SLC7A14: variants seen among roughly 807,000 people sequenced by gnomAD.
SLC7A14 encodes the protein gamma-aminobutyric acid transporter SLC7A14.
In SLC7A14, 37 loss-of-function variants were observed where a neutral mutation model predicts 60.2. That is an observed-to-expected ratio of 0.61 (90% CI 0.47 to 0.81). The LOEUF is 0.81. SLC7A14 is among the 30% of genes least tolerant of loss of function. The pLI is 0.00. For synonymous variants in SLC7A14, 399 were observed against 395.8 expected, an observed-to-expected ratio of 1.01 and a Z score of -0.10; for missense variants, 886 against 982.7, an observed-to-expected ratio of 0.90 and a Z score of 1.32.
At chr3:170,542,322 GTTAA>G (rs1196123820) in intron 1 of SLC7A14, among the ~76,000 whole-genome samples, 1 of 152,250 alleles carries the variant, frequency 6.6e-6, no homozygotes, top group East Asian at 1.9e-4. Flanking sequence ...AACTAATTGT[GTTAA>G]TTTCATGGAC....
chr3:170,563,624 T>C (rs1306162581), intron 1 of SLC7A14, among the ~76,000 whole-genome samples: 1 of 152,104 alleles, frequency 6.6e-6, no homozygotes, highest in African/African-American at 2.4e-5. Context: ...TTTCACCATG[T>C]TGGTCAGGCT....
intron 1 of SLC7A14, among the ~76,000 whole-genome samples, chr3:170,550,512 ATTTTT>A (rs369436642): frequency 4.9e-5 from 3 of 60,614 alleles, no homozygotes; most frequent in East Asian, 6.9e-4. Flanking sequence ...CTTTCCTTGA[ATTTTT>A]TTTTTTTTTT....
At chr3:170,533,675 GTGTGGT>G (rs1713747260) in intron 1 of SLC7A14, among the ~76,000 whole-genome samples, 1 of 151,900 alleles carries the variant, frequency 6.6e-6, no homozygotes, top group Non-Finnish European at 1.5e-5. Flanking sequence ...GTGTGTGTGT[GTGTGGT>G]GTGTGTGTGT....
intron 2 of SLC7A14, among the ~76,000 whole-genome samples, chr3:170,510,969 T>A (rs1712962795): frequency 6.6e-6 from 1 of 152,158 alleles, no homozygotes; most frequent in Admixed American, 6.5e-5. Context: ...AGCCCCTTCT[T>A]ATTTTAGGAG....
chr3:170,470,822 C>T (rs535456003), intron 7 of SLC7A14, among the ~76,000 whole-genome samples: 5 of 152,302 alleles, frequency 3.3e-5, no homozygotes, highest in Non-Finnish European at 5.9e-5. Flanking sequence ...AACAGAGCTG[C>T]TCCACGCCTC....
chr3:170,473,854 A>T (rs981101860), intron 7 of SLC7A14, among the ~76,000 whole-genome samples: 1 of 152,212 alleles, frequency 6.6e-6, no homozygotes, highest in African/African-American at 2.4e-5. Flanking sequence ...TTTATGTCTC[A>T]GTTTCTCATC....
chr3:170,526,495 A>G, intron 2 of SLC7A14, 138 bp downstream of exon 2: 1 of 1,053,938 alleles, frequency 9.5e-7, no homozygotes, highest in East Asian at 2.5e-5. Context: ...CTGGCAGTCA[A>G]GGCAAAAAAG....
rs765759992 is a variant in SLC7A14 at position 170,483,307 on chromosome 3, C to A, written c.1115+7G>T. On this transcript the variant is annotated splice_region_variant and intron_variant, in intron 6 of 7. Transcript: ENST00000231706. ...GCAGGATAAATTTCATGGAGCATAGCCCTTACCTGAAAAGGAGCCCGTCAC... is the reference window on the plus strand; with the variant it reads ...GCAGGATAAATTTCATGGAGCATAGACCTTACCTGAAAAGGAGCCCGTCAC... The A allele has an allele frequency of 6.2e-7, 1 of 1,613,824 alleles. No individual in the cohort carries two copies.
intron 1 of SLC7A14, among the ~76,000 whole-genome samples, chr3:170,543,274 C>T (rs1342069352): frequency 1.3e-5 from 2 of 152,134 alleles, no homozygotes. Context: ...TGCCTAGTGT[C>T]TCGAACCAGC....
At position 170,470,361 on chromosome 3, in the gene SLC7A14, C is replaced by T. The variant is rs79466847; in HGVS notation, c.1994-2984G>A. On this transcript the variant is annotated intron_variant, in intron 7 of 7. Coordinates refer to ENST00000231706, the MANE Select transcript of SLC7A14 (RefSeq NM_020949.3). ...GTGTATGTGTGTGTGTCTGTGTCTG[C>T]GCGCTCTCACATATTGACTGTGGTT... Among the ~76,000 whole-genome samples, 35 of 96,408 alleles carry T rather than the reference C, an allele frequency of 3.6e-4. No individual in the cohort carries two copies. The South Asian group carries it at 8.6e-3, about 24-fold the overall frequency. 63.2% of individuals were successfully genotyped at this position (96,408 alleles called of 152,430 possible).
intron 7 of SLC7A14, among the ~76,000 whole-genome samples, chr3:170,474,977 C>T (rs1222124687): frequency 6.6e-6 from 1 of 152,230 alleles, no homozygotes; most frequent in African/African-American, 2.4e-5. Flanking sequence ...CATGGTGCAG[C>T]ATTCTCACTG....
chr3:170,549,008 TGGCACTTG>T (rs1201399252), intron 1 of SLC7A14, among the ~76,000 whole-genome samples: 5 of 152,126 alleles, frequency 3.3e-5, no homozygotes, highest in Non-Finnish European at 5.9e-5. Flanking sequence ...GGTAAGTAGG[TGGCACTTG>T]GGACATAGAA....
intron 4 of SLC7A14, chr3:170,495,482 C>A: frequency 2.2e-6 from 2 of 902,810 alleles, no homozygotes; most frequent in Non-Finnish European, 3.4e-6. Context: ...AGGTGTCCAC[C>A]TCTGGCCCCC....
chr3:170,475,615 G>C (rs1711588763), intron 7 of SLC7A14, among the ~76,000 whole-genome samples: 1 of 152,184 alleles, frequency 6.6e-6, no homozygotes, highest in Admixed American at 6.5e-5. Context: ...GCTCCCCTTA[G>C]AGCAGTGGCA....
At chr3:170,556,992 C>T (rs1268465521) in intron 1 of SLC7A14, among the ~76,000 whole-genome samples, 1 of 152,126 alleles carries the variant, frequency 6.6e-6, no homozygotes, top group Non-Finnish European at 1.5e-5. Flanking sequence ...GCGCATGAGG[C>T]TTTTCTGGTC....
In SLC7A14 at chr3:170,466,988, C is replaced by T. The variant is rs1560245278; in HGVS notation, c.*67G>A. ...AAATGAGAGCCAAAAAAGTTTTCAC[C>T]TTCTAGCCCACAGGTTAAGTTACTG... On this transcript the variant is annotated 3_prime_UTR_variant, in exon 8 of 8. Transcript: ENST00000231706. 2 of 1,419,356 alleles carry T rather than the reference C, an allele frequency of 1.4e-6. No homozygotes were observed. Among genetic ancestry groups the T allele is most frequent in the Non-Finnish European group, 1.9e-6 (2 of 1,050,662 alleles). 87.9% of individuals were successfully genotyped at this position (1,419,356 alleles called of 1,614,324 possible).
chr3:170,525,259 G>C (rs1053964849), intron 2 of SLC7A14, among the ~76,000 whole-genome samples: 5 of 152,234 alleles, frequency 3.3e-5, no homozygotes, highest in Non-Finnish European at 7.3e-5. Flanking sequence ...CAGCAATTCT[G>C]GGAAGATACC....
At chr3:170,543,598 G>A (rs1465453615) in intron 1 of SLC7A14, among the ~76,000 whole-genome samples, 11 of 151,780 alleles carry the variant, frequency 7.2e-5, no homozygotes, top group South Asian at 2.1e-4. Context: ...AGCCGAGATC[G>A]CCCCATTGCA....
intron 1 of SLC7A14, among the ~76,000 whole-genome samples, chr3:170,543,995 G>A (rs374822199): frequency 1.3e-5 from 2 of 151,966 alleles, no homozygotes; most frequent in East Asian, 2.0e-4. Flanking sequence ...TGATCCACCC[G>A]CCTCAGTCCT....
Sources: gnomAD v4.1 joint callset for allele counts (sites outside exome capture counted in the v4.1 genomes callset) on GRCh38, gnomAD v4.1.1 for gene constraint, MANE v1.5 for transcripts, NCBI Gene and HGNC (gene_info 2026-07-23, HGNC 2026-07-21) for gene names.